FBXO34: variants seen among roughly 807,000 people sequenced by gnomAD.
FBXO34 encodes the protein F-box protein 34, also known as F-box only protein 34.
In FBXO34, 12 loss-of-function variants were observed where a neutral mutation model predicts 24.5. The observed-to-expected ratio is 0.49, with a 90% CI of 0.31 to 0.79. FBXO34 has a LOEUF of 0.79. Among genes scored for constraint, FBXO34 ranks in the 30% least tolerant of loss-of-function variants. The pLI, the probability that FBXO34 is intolerant of heterozygous loss-of-function variation, is 0.04. For missense variants in FBXO34, 823 were observed against 857.7 expected (o/e 0.96, Z 0.51); for synonymous variants, 320 against 311.9 (o/e 1.03, Z -0.27).
intron 1 of FBXO34, among the ~76,000 whole-genome samples, chr14:55,340,881 A>G (rs1198186126): frequency 6.6e-6 from 1 of 152,216 alleles, no homozygotes; most frequent in Non-Finnish European, 1.5e-5. Context: ...TTTGAGTTAC[A>G]TTTTGGTCAA....
At chr14:55,375,844 A>G in the FBXO34 span, among the ~76,000 whole-genome samples, 1 of 152,176 alleles carries the variant, frequency 6.6e-6, no homozygotes. Context: ...TTCCTATGTA[A>G]TCTATTGCAT....
rs1734940519 is a variant in FBXO34, at chr14:55,350,960, C to G, written c.570C>G (p.His190Gln). The stretch of plus-strand genomic sequence containing the variant: ...GTGGCATTGAGCACTGTTCTGTGCA[C>G]TATGTGAGTGACAGTGGGGATGGAG... Reference protein sequence around the residue: ...FACGIEHCSVHYVSDSGDGVY... With the variant: ...FACGIEHCSVQYVSDSGDGVY... Residue 190 changes from histidine (H) to glutamine (Q), a missense_variant, in exon 2 of 2, where the codon CAC (histidine) becomes CAG (glutamine). This residue lies in a region of FBXO34 where 693 missense variants were observed against 659.1 expected (regional missense o/e 1.05). Coordinates refer to ENST00000313833, the MANE Select transcript of FBXO34 (RefSeq NM_017943.4). 6.2e-7 allele frequency: 1 copy of G among 1,614,056 alleles called. No homozygotes were observed. The highest frequency in any genetic ancestry group is 1.3e-5 in the African/African-American group (1 of 74,946).
At chr14:55,377,772 C>G in the FBXO34 span, 2 of 1,391,920 alleles carry the variant, frequency 1.4e-6, no homozygotes, top group South Asian at 1.4e-5. Flanking sequence ...ACTCCTCTAA[C>G]AGGATTCACA....
chr14:55,389,124 T>C, the FBXO34 span, among the ~76,000 whole-genome samples: 1 of 152,370 alleles, frequency 6.6e-6, no homozygotes, highest in South Asian at 2.1e-4. Context: ...TTTAGATCTA[T>C]GTCTAATTCT....
chr14:55,411,608 C>G, the FBXO34 span: 8 of 1,607,648 alleles, frequency 5.0e-6, no homozygotes, highest in Non-Finnish European at 5.9e-6. Context: ...GTACCTCTCC[C>G]GGTCGCGGCC....
At chr14:55,388,115 C>A in the FBXO34 span, among the ~76,000 whole-genome samples, 2 of 152,028 alleles carry the variant, frequency 1.3e-5, no homozygotes, top group Admixed American at 6.6e-5. Context: ...CCAGCCTGGG[C>A]GAAAGAGCGA....
At chr14:55,315,876 G>C (rs1345724632) in intron 1 of FBXO34, among the ~76,000 whole-genome samples, 2 of 152,132 alleles carry the variant, frequency 1.3e-5, no homozygotes, top group Non-Finnish European at 2.9e-5. Flanking sequence ...ATGAACCCCT[G>C]CAATCTGGCA....
chr14:55,393,277 C>T, the FBXO34 span, among the ~76,000 whole-genome samples: 6 of 151,548 alleles, frequency 4.0e-5, no homozygotes, highest in African/African-American at 1.5e-4. Context: ...CCCAGCTACT[C>T]GGGAGGCTGA....
chr14:55,370,669 TC>T (rs1566576211), downstream of FBXO34, among the ~76,000 whole-genome samples: 1 of 151,124 alleles, frequency 6.6e-6, no homozygotes, highest in Non-Finnish European at 1.5e-5. Flanking sequence ...TTAGACAGAG[TC>T]TCGTTCTGTT....
intron 1 of FBXO34, among the ~76,000 whole-genome samples, chr14:55,294,511 C>T (rs1882055139): frequency 2.6e-5 from 4 of 152,040 alleles, no homozygotes; most frequent in Admixed American, 2.6e-4. Flanking sequence ...CCTTGGCCTC[C>T]CAGAGTGTTG....
intron 1 of FBXO34, among the ~76,000 whole-genome samples, chr14:55,294,467 G>A (rs1359144371): frequency 2.0e-5 from 3 of 151,986 alleles, no homozygotes; most frequent in East Asian, 1.9e-4. Context: ...TGCCCAGGCC[G>A]GTCTTGAACT....
the FBXO34 span, among the ~76,000 whole-genome samples, chr14:55,393,363 T>A: frequency 6.6e-6 from 1 of 150,712 alleles, no homozygotes; most frequent in African/African-American, 2.4e-5. Context: ...CCAGCCTGGG[T>A]GACAGAGCGA....
chr14:55,364,489 A>G (rs373334994), downstream of FBXO34, among the ~76,000 whole-genome samples: 2 of 151,844 alleles, frequency 1.3e-5, no homozygotes, highest in Admixed American at 1.3e-4. Context: ...CAGTGGTACG[A>G]TCTTGGATCA....
At chr14:55,381,901 A>T in the FBXO34 span, 7 of 1,423,080 alleles carry the variant, frequency 4.9e-6, no homozygotes, top group Non-Finnish European at 6.9e-6. Flanking sequence ...TCATTTTGTT[A>T]TGTCAATTTT....
chr14:55,316,652 TG>T, intron 1 of FBXO34, among the ~76,000 whole-genome samples: 1 of 146,918 alleles, frequency 6.8e-6, no homozygotes, highest in East Asian at 2.0e-4. Context: ...CACTTGAACC[TG>T]GGTGGTTGCA....
At chr14:55,408,153 G>T in the FBXO34 span, among the ~76,000 whole-genome samples, 1 of 152,156 alleles carries the variant, frequency 6.6e-6, no homozygotes, top group East Asian at 1.9e-4. Flanking sequence ...TAAACATGAA[G>T]TTAAGAAACT....
intron 1 of FBXO34, among the ~76,000 whole-genome samples, chr14:55,284,124 G>T (rs575901565): frequency 2.0e-5 from 3 of 152,212 alleles, no homozygotes; most frequent in African/African-American, 7.2e-5. Context: ...TCAGCCTCTT[G>T]AGTAGCTAGG....
At chr14:55,411,518 G>A in the FBXO34 span, 1 of 1,336,566 alleles carries the variant, frequency 7.5e-7, no homozygotes, top group Admixed American at 2.3e-5. Context: ...GTGCCCGGAC[G>A]GGGAGCCCCA....
At chr14:55,365,619 A>G (rs1275260397), downstream of FBXO34, among the ~76,000 whole-genome samples, 1 of 152,204 alleles carries the variant, frequency 6.6e-6, no homozygotes, top group Non-Finnish European at 1.5e-5. Flanking sequence ...GACATAACTC[A>G]GGATGGAGAA....
Sources: gnomAD v4.1 joint callset for allele counts (sites outside exome capture counted in the v4.1 genomes callset) on GRCh38, gnomAD v4.1.1 for gene constraint, gnomAD v4.1.1 regional missense constraint, MANE v1.5 for transcripts, NCBI Gene and HGNC (gene_info 2026-07-23, HGNC 2026-07-21) for gene names.